The following NDUFAB1 variants were observed in gnomAD, a reference collection of about 807,000 sequenced individuals.
NDUFAB1 encodes the protein acyl carrier protein, mitochondrial.
A neutral mutation model predicts 16.1 loss-of-function variants in NDUFAB1; 5 were observed. That is an observed-to-expected ratio of 0.31 (90% CI 0.16 to 0.65). The LOEUF (loss-of-function observed/expected upper bound fraction) is 0.65. Ranked by LOEUF, NDUFAB1 falls within the 30% of genes least tolerant of loss-of-function variation. The pLI is 0.77. For missense variants in NDUFAB1, 187 were observed against 205.3 expected, an observed-to-expected ratio of 0.91 and a Z score of 0.54; for synonymous variants, 85 against 78.4, an observed-to-expected ratio of 1.08 and a Z score of -0.44.
intron 1 of NDUFAB1, among the ~76,000 whole-genome samples, chr16:23,588,561 G>C (rs560519908): frequency 1.3e-5 from 2 of 152,244 alleles, no homozygotes; most frequent in African/African-American, 4.8e-5. Flanking sequence ...CCTATAGAAA[G>C]TGGGGCTGCT....
intron 1 of NDUFAB1, chr16:23,595,638 G>A (rs79752143): frequency 0.02 from 9,073 of 457,468 alleles, 714 homozygotes; most frequent in African/African-American, 0.16. Flanking sequence ...GGCAGAAGGT[G>A]CTGCAGGGAA....
intron 3 of NDUFAB1, among the ~76,000 whole-genome samples, chr16:23,583,734 C>T (rs1305945319): frequency 6.9e-6 from 1 of 145,092 alleles, no homozygotes; most frequent in Non-Finnish European, 1.5e-5. Flanking sequence ...CGTCTCCGCC[C>T]GGCAGCCGCC....
At chr16:23,585,483 T>C in intron 2 of NDUFAB1, 60 bp from the exon 3 acceptor site, 1 of 1,204,804 alleles carries the variant, frequency 8.3e-7, no homozygotes, top group South Asian at 1.2e-5. Flanking sequence ...CTTCCCAAGA[T>C]AACAGGGTGG....
intron 1 of NDUFAB1, among the ~76,000 whole-genome samples, chr16:23,592,046 C>A (rs1966284625): frequency 1.3e-5 from 2 of 152,204 alleles, no homozygotes; most frequent in Non-Finnish European, 2.9e-5. Context: ...AGCACCATGA[C>A]AGAAGTATCT....
At chr16:23,587,466 T>C (rs1392907809) in intron 1 of NDUFAB1, 147 bp from the exon 2 acceptor site, 2 of 1,012,816 alleles carry the variant, frequency 2.0e-6, no homozygotes, top group Admixed American at 2.8e-5. Context: ...CAGGACACAC[T>C]AAGTTGCAGG....
At chr16:23,585,211 GGCA>G (rs1966222727) in intron 3 of NDUFAB1, 122 bp downstream of exon 3, 6 of 681,820 alleles carry the variant, frequency 8.8e-6, no homozygotes, top group South Asian at 8.8e-5. Flanking sequence ...GTGTGTGAAG[GGCA>G]GTGGATGCTA....
intron 2 of NDUFAB1, among the ~76,000 whole-genome samples, chr16:23,586,900 G>A (rs559160864): frequency 2.6e-5 from 4 of 152,200 alleles, no homozygotes; most frequent in East Asian, 3.9e-4. Flanking sequence ...CGCCCGCCTC[G>A]GCCTCCCAAA....
At chr16:23,595,465 A>C in intron 1 of NDUFAB1, 1 of 411,932 alleles carries the variant, frequency 2.4e-6, no homozygotes, top group Admixed American at 2.8e-5. Context: ...GCTTATAGGA[A>C]GAGCCTGCCC....
At chr16:23,584,516 T>C (rs894541994) in intron 3 of NDUFAB1, among the ~76,000 whole-genome samples, 1 of 151,838 alleles carries the variant, frequency 6.6e-6, no homozygotes, top group East Asian at 1.9e-4. Context: ...TGGGTTTTGG[T>C]AGTTAGCTTA....
At chr16:23,585,586 T>C (rs914572056) in intron 2 of NDUFAB1, among the ~76,000 whole-genome samples, 163 bp from the exon 3 acceptor site, 3 of 152,256 alleles carry the variant, frequency 2.0e-5, no homozygotes, top group Non-Finnish European at 4.4e-5. Context: ...TAGGTATACA[T>C]GTGCCATGTT....
In NDUFAB1 at chr16:23,592,324, A is replaced by T. The variant is rs938910324; in HGVS notation, c.168+3799T>A. Among the ~76,000 whole-genome samples, 10 of 148,614 alleles carry T rather than the reference A, an allele frequency of 6.7e-5. No individual in the cohort carries two copies. In the South Asian group the frequency reaches 1.7e-3, roughly 25 times the overall value. ...ATGCCACTGCACTCCAGCCTAAGTG[A>T]CAGAGACCTTGTCTGGAAAAAAAAA... On this transcript the variant is annotated intron_variant, in intron 1 of 4. Transcript: ENST00000007516.
At chr16:23,593,612 C>T (rs1473795108) in intron 1 of NDUFAB1, among the ~76,000 whole-genome samples, 1 of 152,184 alleles carries the variant, frequency 6.6e-6, no homozygotes, top group Non-Finnish European at 1.5e-5. Flanking sequence ...CCATTCAAAG[C>T]ATGGTCCAAG....
chr16:23,587,884 G>A lies in NDUFAB1; in HGVS notation c.169-565C>T, dbSNP rs72776132. Among the ~76,000 whole-genome samples, 919 of 152,404 alleles carry A rather than the reference G, an allele frequency of 6.0e-3. 3 individuals are homozygous for A. Among genetic ancestry groups the A allele is most frequent in the Non-Finnish European group, 0.011 (731 of 68,042 alleles). ...CAAAGAGGGGATGAGGGAGCTTACA[G>A]TCACTACATTCCAATCTGTTTCCCT... is the stretch of plus-strand genomic sequence containing the variant. On this transcript the variant is annotated intron_variant, in intron 1 of 4. Transcript: ENST00000007516.
At chr16:23,595,367 C>A (rs1470790439) in intron 1 of NDUFAB1, 3 of 355,130 alleles carry the variant, frequency 8.4e-6, no homozygotes, top group Non-Finnish European at 1.7e-5. Flanking sequence ...ACAGTCGTTC[C>A]TTGGTATTTG....
chr16:23,581,671 C>A (rs550672211), intron 4 of NDUFAB1, among the ~76,000 whole-genome samples: 1 of 152,200 alleles, frequency 6.6e-6, no homozygotes, highest in Admixed American at 6.5e-5. Context: ...CTACTATTTA[C>A]TGAGAGGCTT....
chr16:23,588,808 T>C (rs1436851508), intron 1 of NDUFAB1, among the ~76,000 whole-genome samples: 1 of 152,072 alleles, frequency 6.6e-6, no homozygotes, highest in African/African-American at 2.4e-5. Context: ...TGAAGCCTCG[T>C]CTCTACTAAA....
rs910180271 is a variant in NDUFAB1 at position 23,586,899 on chromosome 16, C to T, written c.291+298G>A. Among the ~76,000 whole-genome samples, 12 of 152,232 alleles carry T rather than the reference C, an allele frequency of 7.9e-5. 1 individual carries two copies. The highest frequency in any genetic ancestry group is 3.9e-4 in the Admixed American group (6 of 15,292). ...CCGACCTCAGGTGATCCGCCCGCCT[C>T]GGCCTCCCAAAGTGCTGGGATTACA... is the stretch of plus-strand genomic sequence containing the variant. On this transcript the variant is annotated intron_variant, in intron 2 of 4. Coordinates refer to ENST00000007516, the MANE Select transcript of NDUFAB1 (RefSeq NM_005003.3).
At chr16:23,588,640 C>T (rs1315646635) in intron 1 of NDUFAB1, among the ~76,000 whole-genome samples, 1 of 152,142 alleles carries the variant, frequency 6.6e-6, no homozygotes, top group African/African-American at 2.4e-5. Flanking sequence ...GCCCAGAGAA[C>T]CAAACCAGTA....
intron 2 of NDUFAB1, among the ~76,000 whole-genome samples, chr16:23,586,536 T>C (rs1335861001): frequency 6.6e-6 from 1 of 151,540 alleles, no homozygotes; most frequent in Non-Finnish European, 1.5e-5. Context: ...GGTTTCACCA[T>C]CTTGGCCAGG....
Sources: allele counts gnomAD v4.1 joint callset (sites outside exome capture counted in the v4.1 genomes callset), GRCh38; gene constraint gnomAD v4.1.1; transcripts MANE v1.5; gene names NCBI Gene and HGNC (gene_info 2026-07-23, HGNC 2026-07-21).